MARCHF8: variants seen among roughly 807,000 people sequenced by gnomAD.
MARCHF8 encodes membrane associated ring-CH-type finger 8.
A neutral mutation model predicts 51.6 loss-of-function variants in MARCHF8; 40 were observed. The ratio of observed to expected loss-of-function variants is 0.77; its 90% confidence interval spans 0.60 to 1.01. MARCHF8 has a LOEUF of 1.01. MARCHF8 is among the 50% of genes least tolerant of loss of function. The pLI, the probability that MARCHF8 is intolerant of heterozygous loss-of-function variation, is 0.00. For synonymous variants in MARCHF8, 263 were observed against 280.3 expected (o/e 0.94, Z 0.62); for missense variants, 685 against 708.6 (o/e 0.97, Z 0.38).
intron 3 of MARCHF8, among the ~76,000 whole-genome samples, chr10:45,473,635 G>A (rs1466808213): frequency 6.6e-6 from 1 of 152,154 alleles, no homozygotes; most frequent in Non-Finnish European, 1.5e-5. Flanking sequence ...CAGCCCCTAT[G>A]ATTAGCCTAG....
At chr10:45,573,559 T>C (rs1449423346) in intron 1 of MARCHF8, among the ~76,000 whole-genome samples, 1 of 152,192 alleles carries the variant, frequency 6.6e-6, no homozygotes, top group East Asian at 1.9e-4. Flanking sequence ...TTGTCCCATC[T>C]GTGCGGGACC....
chr10:45,469,608 G>A (rs1456963229), intron 3 of MARCHF8, among the ~76,000 whole-genome samples: 2 of 152,160 alleles, frequency 1.3e-5, no homozygotes, highest in African/African-American at 4.8e-5. Context: ...GCTCACGCCT[G>A]TAATCCCAGC....
chr10:45,533,389 T>A, intron 1 of MARCHF8, 100 bp from the exon 2 acceptor site: 2 of 655,856 alleles, frequency 3.0e-6, no homozygotes, highest in Non-Finnish European at 4.3e-6. Flanking sequence ...TATGTATATT[T>A]AAATAAGTTA....
intron 2 of MARCHF8, among the ~76,000 whole-genome samples, chr10:45,502,201 T>A (rs1158278960): frequency 6.6e-6 from 1 of 152,202 alleles, no homozygotes; most frequent in African/African-American, 2.4e-5. Context: ...CAAACAAATG[T>A]CCTTCAACAG....
At chr10:45,536,790 G>A (rs534779610), upstream of MARCHF8, among the ~76,000 whole-genome samples, 1 of 149,630 alleles carries the variant, frequency 6.7e-6, no homozygotes, top group African/African-American at 2.4e-5. Context: ...CAGGCCAGGA[G>A]TTCAAAACCA....
At position 45,463,832 on chromosome 10, in the gene MARCHF8, C is replaced by T. The variant is rs1390901320; in HGVS notation, c.407G>A (p.Trp136Ter). 2 of 1,545,352 alleles carry T rather than the reference C, an allele frequency of 1.3e-6. No individual in the cohort carries two copies. Among genetic ancestry groups the T allele is most frequent in the Admixed American group, 3.9e-5 (2 of 51,016 alleles). The change falls in exon 5 of 8, where the codon TGG (tryptophan) becomes TAG (stop). Residue 136 changes from tryptophan to a stop codon, truncating the protein, a stop_gained. Transcript: ENST00000453424. LOFTEE classifies it high-confidence loss of function. The stretch of plus-strand genomic sequence containing the variant: ...CTTAGCAGGCTTCAAGGCCTGGGCC[C>T]ATTCTGAACCAAAGGAATTTCTCTT... ...ASKRNSFGSE[W>*]AQALKPAKNT... is the part of the protein sequence containing the mutation.
chr10:45,562,449 T>C (rs960003279), intron 1 of MARCHF8, among the ~76,000 whole-genome samples: 1 of 152,068 alleles, frequency 6.6e-6, no homozygotes, highest in Non-Finnish European at 1.5e-5. Flanking sequence ...ACTATAGAAT[T>C]CTCACCAGTA....
intron 3 of MARCHF8, among the ~76,000 whole-genome samples, chr10:45,481,693 G>A (rs763167741): frequency 3.9e-5 from 6 of 152,144 alleles, no homozygotes; most frequent in African/African-American, 4.8e-5. Context: ...ATGGAACTGT[G>A]AGTTCATTAA....
At chr10:45,558,052 T>C (rs1015631970) in intron 1 of MARCHF8, among the ~76,000 whole-genome samples, 1 of 152,270 alleles carries the variant, frequency 6.6e-6, no homozygotes, top group Non-Finnish European at 1.5e-5. Flanking sequence ...TGTGTTACTA[T>C]AGTTCTAATT....
chr10:45,577,693 A>G (rs867007177), intron 1 of MARCHF8, among the ~76,000 whole-genome samples: 3 of 152,134 alleles, frequency 2.0e-5, no homozygotes, highest in Non-Finnish European at 4.4e-5. Flanking sequence ...CTGTTTATAA[A>G]TTACCCAGTC....
intron 3 of MARCHF8, among the ~76,000 whole-genome samples, chr10:45,465,126 T>C (rs1432593184): frequency 1.3e-5 from 2 of 151,436 alleles, no homozygotes; most frequent in Non-Finnish European, 2.9e-5. Context: ...GGACAGTGAG[T>C]GGCACTGAGC....
At chr10:45,565,140 A>G (rs902254730) in intron 1 of MARCHF8, among the ~76,000 whole-genome samples, 4 of 152,324 alleles carry the variant, frequency 2.6e-5, no homozygotes, top group Admixed American at 6.5e-5. Context: ...ACATAGGTGT[A>G]CATAAAATAC....
chr10:45,587,426 T>C (rs1336618086), intron 1 of MARCHF8, among the ~76,000 whole-genome samples: 1 of 152,068 alleles, frequency 6.6e-6, no homozygotes, highest in Non-Finnish European at 1.5e-5. Context: ...TTGCAAGAAA[T>C]TAAAGAACTA....
At chr10:45,468,425 C>T (rs944636991) in intron 3 of MARCHF8, among the ~76,000 whole-genome samples, 3 of 152,190 alleles carry the variant, frequency 2.0e-5, no homozygotes, top group East Asian at 1.9e-4. Context: ...TTACCCACGC[C>T]CCTCATTTTC....
At chr10:45,550,018 T>G (rs1019113446) in intron 1 of MARCHF8, among the ~76,000 whole-genome samples, 2 of 152,226 alleles carry the variant, frequency 1.3e-5, no homozygotes, top group African/African-American at 2.4e-5. Flanking sequence ...GAAGTCATAC[T>G]GCAAACAGGC....
At chr10:45,560,698 C>G (rs2044300978) in intron 1 of MARCHF8, among the ~76,000 whole-genome samples, 1 of 152,180 alleles carries the variant, frequency 6.6e-6, no homozygotes, top group Non-Finnish European at 1.5e-5. Context: ...CAGCCAGGGT[C>G]TGCGGGTCGG....
intron 2 of MARCHF8, among the ~76,000 whole-genome samples, chr10:45,511,920 G>C (rs1353231166): frequency 6.6e-6 from 1 of 151,040 alleles, no homozygotes; most frequent in African/African-American, 2.4e-5. Context: ...TCTGGAAAGT[G>C]AGGAGCGCCT....
At chr10:45,482,246 A>C (rs572572622) in intron 3 of MARCHF8, among the ~76,000 whole-genome samples, 2 of 152,330 alleles carry the variant, frequency 1.3e-5, no homozygotes, top group East Asian at 3.9e-4. Flanking sequence ...TACCCAAAGC[A>C]ATCTACAGAT....
intron 2 of MARCHF8, among the ~76,000 whole-genome samples, chr10:45,527,202 T>C (rs2043808023): frequency 6.6e-6 from 1 of 151,876 alleles, no homozygotes; most frequent in African/African-American, 2.4e-5. Context: ...GACCACAAGT[T>C]AACCTGACAT....
Sources: gnomAD v4.1 joint callset for allele counts (sites outside exome capture counted in the v4.1 genomes callset) on GRCh38, gnomAD v4.1.1 for gene constraint, MANE v1.5 for transcripts, NCBI Gene and HGNC (gene_info 2026-07-23, HGNC 2026-07-21) for gene names.